Variants in OPCML observed in about 807,000 individuals in gnomAD.
The protein encoded by OPCML is opioid binding protein/cell adhesion molecule like.
Under a neutral mutation model 37.8 loss-of-function variants are expected in OPCML, and 13 were observed. That is an observed-to-expected ratio of 0.34 (90% confidence interval 0.22 to 0.55). OPCML has a LOEUF of 0.55. Among genes scored for constraint, OPCML ranks in the 20% least tolerant of loss-of-function variants. The pLI, the probability that OPCML is intolerant of heterozygous loss-of-function variation, is 0.91. For synonymous variants in OPCML, 176 were observed against 168.8 expected (o/e 1.04, Z -0.33); for missense variants, 341 against 435.6 (o/e 0.78, Z 1.93).
chr11:132,768,750 C>A (rs1300679540), intron 2 of OPCML, among the ~76,000 whole-genome samples: 1 of 152,090 alleles, frequency 6.6e-6, no homozygotes, highest in Non-Finnish European at 1.5e-5. Flanking sequence ...GAAGCATACA[C>A]CCTCTGCTCT....
At chr11:133,287,428 A>T (rs976189547) in intron 1 of OPCML, among the ~76,000 whole-genome samples, 1 of 151,294 alleles carries the variant, frequency 6.6e-6, no homozygotes, top group African/African-American at 2.4e-5. Flanking sequence ...TTGCTTCGAC[A>T]TGCACAGGAA....
intron 1 of OPCML, among the ~76,000 whole-genome samples, chr11:133,052,428 C>T (rs1007476727): frequency 1.3e-5 from 2 of 152,156 alleles, no homozygotes; most frequent in African/African-American, 2.4e-5. Flanking sequence ...AGGTCACTGC[C>T]CTCATAGAGC....
intron 1 of OPCML, among the ~76,000 whole-genome samples, chr11:133,417,092 T>A (rs1945784904): frequency 6.6e-6 from 1 of 152,214 alleles, no homozygotes. Context: ...CCCCACATCT[T>A]GCTCTATCAA....
chr11:132,506,184 G>C (rs140673341), intron 4 of OPCML, among the ~76,000 whole-genome samples: 1 of 152,144 alleles, frequency 6.6e-6, no homozygotes, highest in Non-Finnish European at 1.5e-5. Flanking sequence ...TACTCCAATT[G>C]CATTTGACAG....
chr11:133,351,226 A>G (rs191652120), intron 1 of OPCML, among the ~76,000 whole-genome samples: 350 of 152,238 alleles, frequency 2.3e-3, no homozygotes, highest in Non-Finnish European at 2.3e-3. Flanking sequence ...TTAGGAGTGG[A>G]TTGAGAAAAG....
intron 1 of OPCML, among the ~76,000 whole-genome samples, chr11:133,458,559 A>ATACACATATATACACGTGTGTGTGTG (rs1946763477): frequency 2.3e-5 from 2 of 87,376 alleles, no homozygotes; most frequent in Non-Finnish European, 4.1e-5. Context: ...GTGTGTGTGT[A>ATACACATATATACACGTGTGTGTGTG]TACACATATA....
chr11:132,865,853 C>G (rs1942524892), intron 2 of OPCML, among the ~76,000 whole-genome samples: 1 of 152,010 alleles, frequency 6.6e-6, no homozygotes, highest in Admixed American at 6.6e-5. Flanking sequence ...GTCATCTGGC[C>G]CCTGAGAGTA....
chr11:133,056,997 C>T lies in OPCML; in HGVS notation c.62-113987G>A, dbSNP rs573346021. 3.9e-5 allele frequency among the ~76,000 whole-genome samples: 6 copies of T among 152,268 alleles called. No individual in the cohort carries two copies. In the South Asian group the frequency reaches 1.0e-3, roughly 26 times the overall value. ...TAGCTGGGATTACAGGCATGCACCA[C>T]CACACCTGGCTAATTTTGTATTTTT... On this transcript the variant is annotated intron_variant, in intron 1 of 7. Coordinates refer to ENST00000524381, the MANE Select transcript of OPCML (RefSeq NM_001012393.5).
chr11:133,117,960 T>A, intron 1 of OPCML: 1 of 982,502 alleles, frequency 1.0e-6, no homozygotes, highest in Non-Finnish European at 1.2e-6. Context: ...AGTTCCCCCA[T>A]CCTTGGGGAA....
At chr11:133,284,133 C>T (rs1206591884) in intron 1 of OPCML, among the ~76,000 whole-genome samples, 1 of 152,146 alleles carries the variant, frequency 6.6e-6, no homozygotes, top group Non-Finnish European at 1.5e-5. Context: ...TATGTTCTTA[C>T]ATTGAGAAAA....
At chr11:133,119,650 C>A (rs1254381168) in intron 1 of OPCML, among the ~76,000 whole-genome samples, 4 of 152,066 alleles carry the variant, frequency 2.6e-5, no homozygotes, top group African/African-American at 7.2e-5. Flanking sequence ...CAGAGTCTTG[C>A]GGGACAATTT....
intron 4 of OPCML, among the ~76,000 whole-genome samples, chr11:132,522,551 G>A (rs757599470): frequency 6.6e-6 from 1 of 152,182 alleles, no homozygotes; most frequent in Non-Finnish European, 1.5e-5. Context: ...CACAACTACA[G>A]TTCAGAAATA....
intron 1 of OPCML, among the ~76,000 whole-genome samples, chr11:132,983,853 T>C (rs1946637609): frequency 6.6e-6 from 1 of 152,204 alleles, no homozygotes; most frequent in Non-Finnish European, 1.5e-5. Context: ...ATTCTACTGG[T>C]AAAAGTGAAG....
chr11:132,698,231 C>T (rs1940148), intron 2 of OPCML, among the ~76,000 whole-genome samples: 76,968 of 151,792 alleles, frequency 0.51, 19,652 homozygotes, highest in Admixed American at 0.57. Context: ...ACTGTTTCCA[C>T]AATGGCTATA....
chr11:133,007,714 G>A (rs1834483911), intron 1 of OPCML: 1 of 985,300 alleles, frequency 1.0e-6, no homozygotes, highest in African/African-American at 1.7e-5. Flanking sequence ...AAAGTTCAGT[G>A]TCTGATGGAA....
intron 1 of OPCML, among the ~76,000 whole-genome samples, chr11:133,231,989 A>G (rs1940299711): frequency 9.3e-6 from 1 of 107,746 alleles, no homozygotes; most frequent in Non-Finnish European, 1.9e-5. Flanking sequence ...TTAGGATCCT[A>G]CAAGGAAGGG....
intron 1 of OPCML, among the ~76,000 whole-genome samples, chr11:132,987,732 A>G (rs1946706146): frequency 6.6e-6 from 1 of 152,154 alleles, no homozygotes. Context: ...AAGGAAGCAT[A>G]GCGTCTTCCC....
At position 132,605,012 on chromosome 11, in the gene OPCML, A is replaced by T. The variant is rs1591613766; in HGVS notation, c.379+52075T>A. Among the ~76,000 whole-genome samples the T allele has an allele frequency of 3.3e-5, 5 of 152,322 alleles. 1 individual carries two copies. The highest frequency in any genetic ancestry group is 3.3e-4 in the Admixed American group (5 of 15,300). ...TAGTAAAAATTAATCTGGCCCTGACATGCAGAGGGTTTAGAATGGTGGAAA... is the reference window on the plus strand; with the variant it reads ...TAGTAAAAATTAATCTGGCCCTGACTTGCAGAGGGTTTAGAATGGTGGAAA... On this transcript the variant is annotated intron_variant, in intron 3 of 7. Transcript: ENST00000524381.
chr11:132,721,437 A>G (rs1474993216), intron 2 of OPCML, among the ~76,000 whole-genome samples: 1 of 152,174 alleles, frequency 6.6e-6, no homozygotes, highest in African/African-American at 2.4e-5. Context: ...ACAGCTGGCT[A>G]GGGACCAGCA....
Sources: gnomAD v4.1 joint callset for allele counts (sites outside exome capture counted in the v4.1 genomes callset) on GRCh38, gnomAD v4.1.1 for gene constraint, MANE v1.5 for transcripts, NCBI Gene and HGNC (gene_info 2026-07-23, HGNC 2026-07-21) for gene names.